NBPF10: variants seen among roughly 807,000 people sequenced by gnomAD.
NBPF10 encodes NBPF member 10, also known as NBPF family member NBPF10.
A neutral mutation model predicts 77.9 loss-of-function variants in NBPF10; 63 were observed. The ratio of observed to expected loss-of-function variants is 0.81; its 90% CI spans 0.66 to 1.00. The LOEUF (loss-of-function observed/expected upper bound fraction) is 1.00. Among genes scored for constraint, NBPF10 ranks in the 50% least tolerant of loss-of-function variants. The pLI is 0.00. For missense variants in NBPF10, 522 were observed against 679.8 expected, an observed-to-expected ratio of 0.77 and a Z score of 2.58; for synonymous variants, 146 against 264.5, an observed-to-expected ratio of 0.55 and a Z score of 4.35.
chr1:146,126,180 T>G lies in NBPF10; in HGVS notation c.2026+56A>C, dbSNP rs1466833481. ...GTAACGGCCACTTGCAGTAGGAATA[T>G]GACCCTAACCAGAAGACTCAGTGGA... On this transcript the variant is annotated intron_variant, in intron 14 of 89. Coordinates refer to ENST00000583866, the Ensembl canonical transcript of NBPF10. 4 of 942,986 alleles carry G rather than the reference T, an allele frequency of 4.2e-6. No individual in the cohort carries two copies. The African/African-American group carries it at 6.5e-5, about 15-fold the overall frequency. 58.4% of individuals were successfully genotyped at this position (942,986 alleles called of 1,614,324 possible).
chr1:146,126,330 T>C (rs1369813506), exon 14 of NBPF10: 3 of 1,290,146 alleles, frequency 2.3e-6, no homozygotes, highest in South Asian at 2.4e-5. Context: ...CAAGACAACC[T>C]GAAGGAGTTG....
chr1:146,126,711 A>G (rs1430882939), intron 13 of NBPF10, among the ~76,000 whole-genome samples: 2 of 146,596 alleles, frequency 1.4e-5, no homozygotes, highest in Admixed American at 6.9e-5. Context: ...TGCTCTCAGG[A>G]CACACAGTGA....
chr1:146,138,716 C>T (rs1571225674), intron 5 of NBPF10, among the ~76,000 whole-genome samples: 1 of 101,294 alleles, frequency 9.9e-6, no homozygotes, highest in Non-Finnish European at 2.2e-5. Context: ...ATTTTTACCC[C>T]ATGAGTGGCC....
chr1:146,067,169 C>T lies in NBPF10; in HGVS notation c.11144+11G>A, dbSNP rs781935434. 1.5e-5 allele frequency: 9 copies of T among 618,686 alleles called. 1 individual carries two copies. Among genetic ancestry groups the T allele is most frequent in the Non-Finnish European group, 2.7e-5 (9 of 332,664 alleles). 38.3% of individuals were successfully genotyped at this position (618,686 alleles called of 1,614,324 possible). On this transcript the variant is annotated intron_variant, in intron 89 of 89. Coordinates refer to ENST00000583866, the Ensembl canonical transcript of NBPF10. ...ACACAGAACTAAGGATCCACAATTG[C>T]TGAAAGTCACCTGGGGCATGGTGGG...
chr1:146,069,534 G>C lies in NBPF10; in HGVS notation c.10810+9C>G, dbSNP rs587748041. 11 of 901,538 alleles carry C rather than the reference G, an allele frequency of 1.2e-5. 1 individual carries two copies. Among genetic ancestry groups the C allele is most frequent in the African/African-American group, 2.6e-5 (1 of 38,348 alleles). The allele number at this position is 901,538 out of a possible 1,614,324, so 55.8% of individuals were successfully genotyped here. On this transcript the variant is annotated intron_variant, in intron 86 of 89. Transcript: ENST00000583866. Reference sequence around the variant, plus strand: ...TGGATCCTTATCACCTTCATAGAAAGGTACTCACCATCCATGTCAACAGCC... The same window carrying C: ...TGGATCCTTATCACCTTCATAGAAACGTACTCACCATCCATGTCAACAGCC...
At chr1:146,135,996 G>A (rs200107543) in intron 7 of NBPF10, among the ~76,000 whole-genome samples, 19,539 of 148,122 alleles carry the variant, frequency 0.13, 2,132 homozygotes, top group African/African-American at 0.31. Flanking sequence ...ATGAGAAGCC[G>A]CAGTCAGTCA....
intron 80 of NBPF10, among the ~76,000 whole-genome samples, chr1:146,073,925 T>C (rs1252571848): frequency 1.3e-5 from 1 of 76,284 alleles, no homozygotes; most frequent in Admixed American, 1.5e-4. Flanking sequence ...GTAGTGAGGA[T>C]TTGAGACGCT....
intron 13 of NBPF10, 129 bp from the exon 14 acceptor site, chr1:146,126,537 A>C (rs1553790065): frequency 2.8e-6 from 2 of 712,168 alleles, no homozygotes; most frequent in East Asian, 5.3e-5. Context: ...ATGAGGTAAC[A>C]AATTATTGCC....
intron 17 of NBPF10, among the ~76,000 whole-genome samples, 193 bp from the exon 18 acceptor site, chr1:146,123,471 GAT>G (rs1658312674): frequency 5.3e-5 from 2 of 37,618 alleles, no homozygotes; most frequent in African/African-American, 2.3e-4. Context: ...GAGAAAGACA[GAT>G]AGACACACAC....
At chr1:146,067,810 G>C (rs1416276465) in intron 88 of NBPF10, among the ~76,000 whole-genome samples, 193 bp downstream of exon 88, 1 of 151,892 alleles carries the variant, frequency 6.6e-6, no homozygotes, top group Non-Finnish European at 1.5e-5. Context: ...TAGGAAGAGA[G>C]TCTTGCTCAC....
chr1:146,123,576 G>C (rs1553788938), intron 17 of NBPF10, among the ~76,000 whole-genome samples: 9 of 96,928 alleles, frequency 9.3e-5, no homozygotes, highest in South Asian at 7.1e-4. Context: ...GCACTGATGA[G>C]GGAGTAACAG....
chr1:146,126,286 G>C (rs782224083), exon 14 of NBPF10: 1 of 1,605,190 alleles, frequency 6.2e-7, no homozygotes, highest in Admixed American at 1.7e-5. Flanking sequence ...TATGTAAAAG[G>C]CACTTCTGTA....
chr1:146,139,267 T>A (rs1278497644), intron 5 of NBPF10, among the ~76,000 whole-genome samples: 2 of 97,602 alleles, frequency 2.0e-5, no homozygotes, highest in Non-Finnish European at 4.3e-5. Flanking sequence ...GCCCAGCTAT[T>A]TTTTTTTTTT....
chr1:146,137,771 A>G (rs1338789148), intron 6 of NBPF10, among the ~76,000 whole-genome samples: 2 of 121,594 alleles, frequency 1.6e-5, no homozygotes, highest in African/African-American at 5.3e-5. Flanking sequence ...CCCTCAGAGC[A>G]GGTACTGGCT....
Position 146,074,499 on chromosome 1 carries a change from C to T in NBPF10, c.9906-56G>A. On this transcript the variant is annotated intron_variant, in intron 79 of 89. Transcript: ENST00000583866. Reference sequence around the variant, plus strand: ...CCAGGGGGAATCAGAAACCACACAGCCCCAGCTAGATTTCATGGCTAACGT... The same window carrying T: ...CCAGGGGGAATCAGAAACCACACAGTCCCAGCTAGATTTCATGGCTAACGT... The T allele has an allele frequency of 8.6e-5, 2 of 23,384 alleles. 1 individual carries two copies. Among genetic ancestry groups the T allele is most frequent in the Non-Finnish European group, 1.8e-4 (2 of 11,048 alleles). 1.4% of individuals were successfully genotyped at this position (23,384 alleles called of 1,614,324 possible).
chr1:146,126,276 T>C (rs782090466), exon 14 of NBPF10: 8 of 1,607,606 alleles, frequency 5.0e-6, no homozygotes, highest in Admixed American at 1.7e-5. Flanking sequence ...GTTGCTCCAA[T>C]ATGTAAAAGG....
intron 14 of NBPF10, 147 bp from the exon 15 acceptor site, chr1:146,125,663 G>T (rs1277154636): frequency 7.6e-6 from 4 of 524,402 alleles, no homozygotes; most frequent in Non-Finnish European, 1.4e-5. Context: ...AGGCCTGAAG[G>T]CTGATCACCA....
intron 4 of NBPF10, 138 bp downstream of exon 4, chr1:146,140,346 C>T (rs1437571573): frequency 5.8e-6 from 5 of 861,964 alleles, no homozygotes; most frequent in Non-Finnish European, 7.3e-6. Flanking sequence ...CACCCTGTGT[C>T]TAAGCTGGGT....
At chr1:146,129,017 T>TA (rs1452803465) in intron 11 of NBPF10, among the ~76,000 whole-genome samples, 3 of 151,422 alleles carry the variant, frequency 2.0e-5, no homozygotes, top group South Asian at 2.1e-4. Context: ...CAAGGGTAGA[T>TA]AAAACCACAA....
Sources: allele counts gnomAD v4.1 joint callset (sites outside exome capture counted in the v4.1 genomes callset), GRCh38; gene constraint gnomAD v4.1.1; transcripts MANE v1.5; gene names NCBI Gene and HGNC (gene_info 2026-07-23, HGNC 2026-07-21).